Variants in TLCD1 observed in about 807,000 individuals in gnomAD.
The protein encoded by TLCD1 is TLC domain containing 1.
In TLCD1, 21 loss-of-function variants were observed where a neutral mutation model predicts 21.2. That is an observed-to-expected ratio of 0.99 (90% CI 0.70 to 1.42). The LOEUF (loss-of-function observed/expected upper bound fraction) is 1.42. Ranked by LOEUF, TLCD1 falls within the 40% of genes most tolerant of loss-of-function variation. The pLI is 0.00. For synonymous variants in TLCD1, 168 were observed against 134.8 expected (o/e 1.25, Z -1.71); for missense variants, 344 against 330.3 (o/e 1.04, Z -0.32).
chr17:28,725,474 G>A lies in TLCD1; in HGVS notation c.277+7C>T, dbSNP rs780533872. The A allele has an allele frequency of 6.2e-7, 1 of 1,614,156 alleles. No individual in the cohort carries two copies. Among genetic ancestry groups the A allele is most frequent in the Non-Finnish European group, 8.5e-7 (1 of 1,180,012 alleles). On this transcript the variant is annotated splice_region_variant and intron_variant, in intron 2 of 3. Coordinates refer to ENST00000292090, the MANE Select transcript of TLCD1 (RefSeq NM_138463.4). ...AATTTGCCTCCCGCTTCCTGGGCAA[G>A]ACCTACCCGCAGAGAAGCAAACGAG...
rs769299704 is a variant in TLCD1, at chr17:28,724,739, T to A, written c.515A>T (p.Lys172Met). The change falls in exon 4 of 4, where the codon AAG (lysine) becomes ATG (methionine). Residue 172 changes from lysine to methionine, a missense_variant. Transcript: ENST00000292090. Reference protein sequence around the residue: ...AQDHLLYRVNKYVNLVMYFLF... With the variant: ...AQDHLLYRVNMYVNLVMYFLF... The stretch of plus-strand genomic sequence containing the variant: ...AAAGTACATGACCAGGTTCACATAC[T>A]TGTTAACCCGGTAGAGGAGATGATC... 24 of 1,614,098 alleles carry A rather than the reference T, an allele frequency of 1.5e-5. No homozygotes were observed. In the Middle Eastern group the frequency reaches 9.9e-4, roughly 67 times the overall value.
At chr17:28,726,778 G>T, upstream of TLCD1, 1 of 1,549,276 alleles carries the variant, frequency 6.5e-7, no homozygotes, top group Non-Finnish European at 8.7e-7. Flanking sequence ...CGCCCGCGAG[G>T]TGGGCACTTG....
upstream of TLCD1, chr17:28,726,612 C>T: frequency 1.3e-6 from 1 of 796,156 alleles, no homozygotes; most frequent in South Asian, 1.6e-5. Flanking sequence ...CTGCGCAGAG[C>T]TGGACGGGAC....
chr17:28,724,828 T>C lies in TLCD1; in HGVS notation c.426A>G (p.Leu142=). The C allele has an allele frequency of 6.2e-7, 1 of 1,613,876 alleles. No individual in the cohort carries two copies. The highest frequency in any genetic ancestry group is 8.5e-7 in the Non-Finnish European group (1 of 1,179,998). The stretch of plus-strand genomic sequence containing the variant: ...GGAAGATGTTGCTGACTTCCACCAG[T>C]AGTGTTAAGACACCCCCACCGACAA... ...SSFVGGGVLT[L]LVEVSNIFLT... Residue 142 remains leucine (L), a synonymous_variant, in exon 4 of 4, where the codon CTA becomes CTG. Coordinates refer to ENST00000292090, the MANE Select transcript of TLCD1 (RefSeq NM_138463.4).
chr17:28,725,764 G>T, intron 1 of TLCD1, 140 bp downstream of exon 1: 2 of 1,265,016 alleles, frequency 1.6e-6, no homozygotes, highest in Non-Finnish European at 2.2e-6. Context: ...GCTTTTGGTT[G>T]GATAGGATAC....
chr17:28,726,520 A>C (rs2034234285), upstream of TLCD1, among the ~76,000 whole-genome samples: 3 of 150,264 alleles, frequency 2.0e-5, no homozygotes, highest in Admixed American at 6.6e-5. Context: ...GGCCTCATTA[A>C]CCCGCGTCCC....
upstream of TLCD1, among the ~76,000 whole-genome samples, chr17:28,726,421 T>C (rs537115775): frequency 1.3e-5 from 2 of 151,170 alleles, no homozygotes; most frequent in African/African-American, 4.9e-5. Context: ...TTCGGGTAAC[T>C]AGGAGCTGTG....
chr17:28,726,207 C>T lies in TLCD1; in HGVS notation c.-110G>A. ...GGCCGCCTCTCCCGCCGGCCGCCAG[C>T]CCCACACAGTTGGCGAAGCCCTCTA... is the stretch of plus-strand genomic sequence containing the variant. On this transcript the variant is annotated 5_prime_UTR_variant, in exon 1 of 4. Transcript: ENST00000292090. 7.3e-7 allele frequency: 1 copy of T among 1,369,494 alleles called. No homozygotes were observed. The highest frequency in any genetic ancestry group is 9.3e-7 in the Non-Finnish European group (1 of 1,069,572). The allele number at this position is 1,369,494 out of a possible 1,614,324, so 84.8% of individuals were successfully genotyped here. A position where few individuals can be genotyped will look rare whatever the true frequency, so the allele number is the denominator to read the frequency against.
chr17:28,724,664 T>G lies in TLCD1; in HGVS notation c.590A>C (p.Tyr197Ser). Residue 197 changes from tyrosine to serine, a missense_variant, in exon 4 of 4, where the codon TAT becomes TCT. Coordinates refer to ENST00000292090, the MANE Select transcript of TLCD1 (RefSeq NM_138463.4). ...QAYLTHFFLRYVNQRTLGTFL... is the reference protein window; with the variant it reads ...QAYLTHFFLRSVNQRTLGTFL... ...GGTGCCCAGGGTCCTCTGGTTCACATAACGCAAGAAGAAATGGGTGAGGTA... is the reference window on the plus strand; with the variant it reads ...GGTGCCCAGGGTCCTCTGGTTCACAGAACGCAAGAAGAAATGGGTGAGGTA... 1 of 1,614,078 alleles carries G rather than the reference T, an allele frequency of 6.2e-7. No homozygotes were observed. Among genetic ancestry groups the G allele is most frequent in the Non-Finnish European group, 8.5e-7 (1 of 1,179,992 alleles).
upstream of TLCD1, chr17:28,726,749 T>A (rs530642978): frequency 3.2e-6 from 5 of 1,548,854 alleles, no homozygotes; most frequent in African/African-American, 6.8e-5. Context: ...CGGAGTCCCG[T>A]GTTTACCTGT....
chr17:28,726,636 G>A (rs954549096), upstream of TLCD1: 8 of 941,836 alleles, frequency 8.5e-6, no homozygotes, highest in African/African-American at 4.9e-5. Context: ...ACACGCCCAC[G>A]CCCCCTAAGT....
chr17:28,727,624 CT>C (rs752655838), upstream of TLCD1: 249 of 119,014 alleles, frequency 2.1e-3, no homozygotes, highest in Non-Finnish European at 2.2e-3. Context: ...TTCTTTCTTT[CT>C]TTTTTTTTTT....
At chr17:28,727,822 G>A (rs906675287), upstream of TLCD1, 1 of 152,002 alleles carries the variant, frequency 6.6e-6, no homozygotes, top group African/African-American at 2.4e-5. Context: ...GTTTTACCAT[G>A]TTGGCCAGGT....
At chr17:28,726,894 G>A, upstream of TLCD1, 1 of 1,375,068 alleles carries the variant, frequency 7.3e-7, no homozygotes, top group Admixed American at 2.0e-5. Flanking sequence ...CCTCGGCCCG[G>A]CTCCCCGGAG....
At chr17:28,726,806 C>G, upstream of TLCD1, 1 of 1,548,576 alleles carries the variant, frequency 6.5e-7, no homozygotes, top group Non-Finnish European at 8.7e-7. Flanking sequence ...CTGAGTAACC[C>G]ATCGCCACCT....
upstream of TLCD1, chr17:28,726,807 A>C: frequency 6.5e-7 from 1 of 1,548,408 alleles, no homozygotes; most frequent in Non-Finnish European, 8.7e-7. Context: ...TGAGTAACCC[A>C]TCGCCACCTC....
rs781475790 is a variant in TLCD1, at chr17:28,725,389, A to G, written c.278-3T>C. On this transcript the variant is annotated splice_region_variant and splice_polypyrimidine_tract_variant and intron_variant, in intron 2 of 3. Coordinates refer to ENST00000292090, the MANE Select transcript of TLCD1 (RefSeq NM_138463.4). Reference sequence around the variant, plus strand: ...CACCGTATCGTGGATGAAATACCCTAGTGGAGGGATGGGGCAAGAGATCAT... The same window carrying G: ...CACCGTATCGTGGATGAAATACCCTGGTGGAGGGATGGGGCAAGAGATCAT... 4 of 1,614,140 alleles carry G rather than the reference A, an allele frequency of 2.5e-6. No homozygotes were observed. In the East Asian group the frequency reaches 6.7e-5, roughly 27 times the overall value.
chr17:28,726,827 G>T, upstream of TLCD1: 19 of 1,547,246 alleles, frequency 1.2e-5, no homozygotes, highest in Non-Finnish European at 1.7e-5. Flanking sequence ...CTTCCCGCCG[G>T]CTCTTAAACT....
intron 3 of TLCD1, 49 bp downstream of exon 3, chr17:28,725,255 C>A (rs555288266): frequency 1.3e-6 from 2 of 1,594,234 alleles, no homozygotes; most frequent in Non-Finnish European, 1.7e-6. Flanking sequence ...GGAGCTGAGA[C>A]TAGATTACTG....
Sources: gnomAD v4.1 joint callset for allele counts (sites outside exome capture counted in the v4.1 genomes callset) on GRCh38, gnomAD v4.1.1 for gene constraint, MANE v1.5 for transcripts, NCBI Gene and HGNC (gene_info 2026-07-23, HGNC 2026-07-21) for gene names.